IKZF2: variants seen among roughly 807,000 people sequenced by gnomAD.
IKZF2 encodes zinc finger protein Helios.
A neutral mutation model predicts 49.2 loss-of-function variants in IKZF2; 15 were observed. That is an observed-to-expected ratio of 0.30 (90% CI 0.20 to 0.47). IKZF2 has a LOEUF of 0.47. Ranked by LOEUF, IKZF2 falls within the 20% of genes least tolerant of loss-of-function variation. The probability of loss-of-function intolerance (pLI) is 1.00; values close to 1 mark genes in which losing one functional copy is unlikely to be tolerated. For missense variants in IKZF2, 567 were observed against 664.6 expected, an observed-to-expected ratio of 0.85 and a Z score of 1.61; for synonymous variants, 227 against 221.4, an observed-to-expected ratio of 1.03 and a Z score of -0.23.
chr2:213,047,647 G>C (rs1296383072), intron 6 of IKZF2, among the ~76,000 whole-genome samples: 1 of 152,102 alleles, frequency 6.6e-6, no homozygotes, highest in Non-Finnish European at 1.5e-5. Flanking sequence ...TTTTGGGCAT[G>C]TCAAGCTGCT....
chr2:213,029,146 A>C (rs1414563356), intron 6 of IKZF2, among the ~76,000 whole-genome samples: 1 of 151,916 alleles, frequency 6.6e-6, no homozygotes, highest in Non-Finnish European at 1.5e-5. Context: ...AATGTCTTTG[A>C]TTTTGGTGTC....
chr2:213,041,891 A>G (rs1487715564), intron 6 of IKZF2, among the ~76,000 whole-genome samples: 1 of 152,114 alleles, frequency 6.6e-6, no homozygotes, highest in Non-Finnish European at 1.5e-5. Flanking sequence ...ATACTAAAAC[A>G]AACAAACAAA....
At chr2:213,138,887 C>T (rs2060771515) in intron 4 of IKZF2, among the ~76,000 whole-genome samples, 1 of 151,886 alleles carries the variant, frequency 6.6e-6, no homozygotes, top group South Asian at 2.1e-4. Flanking sequence ...CTCTATATCA[C>T]CAGCTAACTT....
intron 5 of IKZF2, among the ~76,000 whole-genome samples, chr2:213,050,238 C>A (rs1297875351): frequency 6.6e-6 from 1 of 152,094 alleles, no homozygotes; most frequent in East Asian, 1.9e-4. Flanking sequence ...CTTACAATGA[C>A]AATAATTAGG....
At chr2:213,126,092 A>G (rs1187843072) in intron 4 of IKZF2, among the ~76,000 whole-genome samples, 1 of 152,062 alleles carries the variant, frequency 6.6e-6, no homozygotes. Flanking sequence ...TTTACCTAGA[A>G]TCTCTATTTA....
In IKZF2 at chr2:213,125,636, G is replaced by T. The variant is rs181313010; in HGVS notation, c.139+22072C>A. 2.0e-5 allele frequency among the ~76,000 whole-genome samples: 3 copies of T among 152,198 alleles called. No homozygotes were observed. In the East Asian group the frequency reaches 5.8e-4, roughly 29 times the overall value. On this transcript the variant is annotated intron_variant, in intron 4 of 8. Transcript: ENST00000434687. ...GACTTCTTGACATAGCAAATACACA[G>T]CTAAGTTATCCTAAGGATGTAAAGA...
intron 6 of IKZF2, among the ~76,000 whole-genome samples, chr2:213,045,191 G>C (rs1700038926): frequency 1.3e-5 from 2 of 152,136 alleles, no homozygotes; most frequent in Admixed American, 1.3e-4. Context: ...ACTGAAAGAT[G>C]TTAGGGGTGA....
chr2:213,137,103 G>GGT (rs2060705592), intron 4 of IKZF2, among the ~76,000 whole-genome samples: 1 of 151,918 alleles, frequency 6.6e-6, no homozygotes, highest in Admixed American at 6.6e-5. Context: ...GTTTTGTTGA[G>GGT]GTACGGGGGT....
At position 213,035,182 on chromosome 2, in the gene IKZF2, T is replaced by A. The variant is rs114318409; in HGVS notation, c.575-13052A>T. On this transcript the variant is annotated intron_variant, in intron 6 of 8. Coordinates refer to ENST00000434687, the MANE Select transcript of IKZF2 (RefSeq NM_001387220.1). The stretch of plus-strand genomic sequence containing the variant: ...CTAACTCACAGCATTTCTGTGAGTA[T>A]ATATTTTTTTTAATCCATATGGAAA... Among the ~76,000 whole-genome samples the A allele has an allele frequency of 8.0e-3, 1,218 of 152,284 alleles. 12 individuals are homozygous for A. The highest frequency in any genetic ancestry group is 0.011 in the Non-Finnish European group (735 of 68,018).
chr2:213,133,696 T>A (rs2060550119), intron 4 of IKZF2, among the ~76,000 whole-genome samples: 1 of 92,922 alleles, frequency 1.1e-5, no homozygotes, highest in African/African-American at 3.6e-5. Context: ...ATAGACTCCG[T>A]CTCGAAAAAA....
Position 213,083,743 on chromosome 2 carries a change from C to T in IKZF2, c.140-26644G>A, listed in dbSNP as rs144423090. 1.6e-3 allele frequency among the ~76,000 whole-genome samples: 240 copies of T among 150,808 alleles called. 2 individuals carry two copies. The highest frequency in any genetic ancestry group is 5.7e-3 in the African/African-American group (234 of 40,986). ...ATTGTGAACTGCACATGCCAGAGAT[C>T]TAGCTTGTGTGCTCCTTATGAGAAT... On this transcript the variant is annotated intron_variant, in intron 4 of 8. Transcript: ENST00000434687.
At chr2:213,054,409 C>T (rs1192607968) in intron 5 of IKZF2, among the ~76,000 whole-genome samples, 1 of 152,054 alleles carries the variant, frequency 6.6e-6, no homozygotes, top group Non-Finnish European at 1.5e-5. Context: ...AAGGAGAAAA[C>T]ATTTGGCTAA....
intron 4 of IKZF2, among the ~76,000 whole-genome samples, chr2:213,124,252 G>GCGCGCGCGCGCGCA (rs1270409984): frequency 6.6e-5 from 9 of 136,236 alleles, no homozygotes; most frequent in Admixed American, 5.1e-4. Context: ...GCGCGCGCGC[G>GCGCGCGCGCGCGCA]CACACACACA....
intron 4 of IKZF2, among the ~76,000 whole-genome samples, chr2:213,131,584 C>T (rs570786325): frequency 6.6e-6 from 1 of 152,258 alleles, no homozygotes; most frequent in East Asian, 1.9e-4. Context: ...GTGACACTGG[C>T]TGAAAAGATG....
At chr2:213,151,946 T>C (rs2061294983), upstream of IKZF2, among the ~76,000 whole-genome samples, 2 of 151,588 alleles carry the variant, frequency 1.3e-5, no homozygotes, top group South Asian at 4.2e-4. Context: ...GGACAAGTGC[T>C]GCCCCGGAGG....
rs1695382151 is a variant in IKZF2 at position 213,006,815 on chromosome 2, CACA to C, written c.*542_*544del. 6.5e-6 allele frequency: 1 copy of C among 153,798 alleles called. No homozygotes were observed. Among genetic ancestry groups the C allele is most frequent in the East Asian group, 1.9e-4 (1 of 5,194 alleles). 9.5% of individuals were successfully genotyped at this position (153,798 alleles called of 1,614,324 possible). ...CCATAGGGGAAGTAAACATAGAACC[CACA>C]ACAACTCAGCTCCTCTTAGGAGTTA... On this transcript the variant is annotated 3_prime_UTR_variant, in exon 9 of 9. Coordinates refer to ENST00000434687, the MANE Select transcript of IKZF2 (RefSeq NM_001387220.1).
chr2:213,060,848 T>C (rs1701612058), intron 4 of IKZF2, among the ~76,000 whole-genome samples: 2 of 151,464 alleles, frequency 1.3e-5, no homozygotes, highest in Admixed American at 1.3e-4. Flanking sequence ...TAGACTCAGG[T>C]TTGTGAACAC....
Position 213,007,901 on chromosome 2 carries a change from A to G in IKZF2, c.1040T>C (p.Val347Ala), listed in dbSNP as rs1323685769. The change falls in exon 9 of 9, where the codon GTG becomes GCG. Residue 347 changes from valine (V) to alanine (A), a missense_variant. By Grantham distance (64) the Val-to-Ala change is moderately conservative. Transcript: ENST00000434687. Reference sequence around the variant, plus strand: ...ATAAGCTGAGCTTATAACTGGGGCCACTTCAGCGATTGTGCTTGGCGGGTG... The same window carrying G: ...ATAAGCTGAGCTTATAACTGGGGCCGCTTCAGCGATTGTGCTTGGCGGGTG... ...MQHPPSTIAEVAPVISSAYSQ... is the reference protein window; with the variant it reads ...MQHPPSTIAEAAPVISSAYSQ... The G allele has an allele frequency of 6.2e-7, 1 of 1,613,568 alleles. No individual in the cohort carries two copies. The highest frequency in any genetic ancestry group is 8.5e-7 in the Non-Finnish European group (1 of 1,179,748).
At chr2:213,107,350 T>G (rs1342422971) in intron 4 of IKZF2, among the ~76,000 whole-genome samples, 1 of 152,224 alleles carries the variant, frequency 6.6e-6, no homozygotes, top group Non-Finnish European at 1.5e-5. Flanking sequence ...CTGTGAGGTC[T>G]TATAGCTTCA....
Sources: gnomAD v4.1 joint callset for allele counts (sites outside exome capture counted in the v4.1 genomes callset) on GRCh38, gnomAD v4.1.1 for gene constraint, MANE v1.5 for transcripts, NCBI Gene and HGNC (gene_info 2026-07-23, HGNC 2026-07-21) for gene names.